SLC15A2: variants seen among roughly 807,000 people sequenced by gnomAD.
The protein encoded by SLC15A2 is kidney H(+)/peptide cotransporter.
A neutral mutation model predicts 95.5 loss-of-function variants in SLC15A2; 77 were observed. The observed-to-expected ratio is 0.81, with a 90% confidence interval of 0.67 to 0.97. The LOEUF (loss-of-function observed/expected upper bound fraction) is 0.97. Ranked by LOEUF, SLC15A2 falls within the 50% of genes least tolerant of loss-of-function variation. The probability of loss-of-function intolerance (pLI) is 0.00; values close to 1 mark genes in which losing one functional copy is unlikely to be tolerated. For missense variants in SLC15A2, 893 were observed against 874.4 expected (o/e 1.02, Z -0.27); for synonymous variants, 306 against 306.9 (o/e 1.00, Z 0.03).
chr3:121,895,203 G>A (rs538122916), intron 1 of SLC15A2: 1 of 152,290 alleles, frequency 6.6e-6, no homozygotes, highest in South Asian at 2.1e-4. Flanking sequence ...GGGCCAAAAG[G>A]TGATGTTATT....
chr3:121,939,422 T>C lies in SLC15A2; in HGVS notation c.1835T>C (p.Leu612Pro). The C allele has an allele frequency of 6.3e-7, 1 of 1,579,628 alleles. No homozygotes were observed. Among genetic ancestry groups the C allele is most frequent in the Non-Finnish European group, 8.6e-7 (1 of 1,163,432 alleles). Residue 612 changes from leucine to proline, a missense_variant, in exon 20 of 22, where the codon CTA (leucine) becomes CCA (proline). By Grantham distance (98) the Leu-to-Pro change is moderately conservative (BLOSUM62 -3). Transcript: ENST00000489711. The part of the protein sequence containing the change: ...PANKMSIAWQ[L>P]PQYALVTAGE... Reference sequence around the variant, plus strand: ...AACAAAATGTCCATTGCGTGGCAGCTACCACAATATGCCCTGGTTACAGCT... The same window carrying C: ...AACAAAATGTCCATTGCGTGGCAGCCACCACAATATGCCCTGGTTACAGCT...
chr3:121,930,926 C>CT lies in SLC15A2; in HGVS notation c.1642dup (p.Tyr548LeufsTer2). 2 of 1,610,666 alleles carry CT rather than the reference C, an allele frequency of 1.2e-6. No individual in the cohort carries two copies. The highest frequency in any genetic ancestry group is 1.7e-6 in the Non-Finnish European group (2 of 1,176,868). ...GTTGGTGAAGACTATGGTGTGTCTGCTTATAGAACTGTGCAAAGAGGAGAG... is the reference window on the plus strand; with the variant it reads ...GTTGGTGAAGACTATGGTGTGTCTGCTTTATAGAACTGTGCAAAGAGGAGAG... On this transcript the variant is annotated frameshift_variant, in exon 18 of 22. Transcript: ENST00000489711. LOFTEE classifies it high-confidence loss of function.
intron 19 of SLC15A2, among the ~76,000 whole-genome samples, chr3:121,938,246 G>C (rs1474189010): frequency 1.3e-5 from 2 of 152,228 alleles, no homozygotes; most frequent in Non-Finnish European, 2.9e-5. Flanking sequence ...CCCAGAGGTG[G>C]AGCCTACAGA....
At chr3:121,906,520 C>T (rs962152631) in intron 3 of SLC15A2, among the ~76,000 whole-genome samples, 16 of 152,234 alleles carry the variant, frequency 1.1e-4, no homozygotes, top group African/African-American at 1.4e-4. Flanking sequence ...CCATGTTTAG[C>T]GCTTCCTTCA....
chr3:121,919,441 G>C (rs2107592414), intron 7 of SLC15A2, among the ~76,000 whole-genome samples: 1 of 152,318 alleles, frequency 6.6e-6, no homozygotes, highest in East Asian at 1.9e-4. Flanking sequence ...GAAGTAGGTA[G>C]CCGTCTGTGA....
Position 121,942,060 on chromosome 3 carries a change from A to G in SLC15A2, c.*1053A>G, listed in dbSNP as rs1482588043. On this transcript the variant is annotated 3_prime_UTR_variant, in exon 22 of 22. Transcript: ENST00000489711. ...GATTTACTTTTCCCATAAGTTTTAA[A>G]TACCATTTCTGCCTTGAAGCCTAGA... The G allele has an allele frequency of 6.6e-6, 1 of 152,216 alleles. No homozygotes were observed. The highest frequency in any genetic ancestry group is 1.5e-5 in the Non-Finnish European group (1 of 68,032). 9.4% of individuals were successfully genotyped at this position (152,216 alleles called of 1,614,324 possible). A position where few individuals can be genotyped will look rare whatever the true frequency, so the allele number is the denominator to read the frequency against.
chr3:121,924,524 C>G, intron 12 of SLC15A2, 141 bp downstream of exon 12: 1 of 782,248 alleles, frequency 1.3e-6, no homozygotes, highest in South Asian at 1.6e-5. Context: ...TGAAAACATT[C>G]CCATTAAGCC....
chr3:121,931,628 T>G lies in SLC15A2; in HGVS notation c.1665-11T>G. 6.3e-7 allele frequency: 1 copy of G among 1,580,982 alleles called. No individual in the cohort carries two copies. The highest frequency in any genetic ancestry group is 1.7e-5 in the Admixed American group (1 of 59,912). On this transcript the variant is annotated splice_polypyrimidine_tract_variant and intron_variant, in intron 18 of 21. Transcript: ENST00000489711. ...TGATATTTATTCTAACCTAAATTCA[T>G]CCTGTTCCAGATACCCTGCAGTGCA...
At chr3:121,922,347 G>A (rs772661275) in intron 8 of SLC15A2, 45 bp downstream of exon 8, 6 of 1,492,328 alleles carry the variant, frequency 4.0e-6, no homozygotes, top group Non-Finnish European at 4.7e-6. Context: ...TCAAAAGAAA[G>A]AGATGCTATG....
chr3:121,936,148 A>G (rs1030298436), intron 19 of SLC15A2, among the ~76,000 whole-genome samples: 3 of 152,118 alleles, frequency 2.0e-5, no homozygotes, highest in South Asian at 2.1e-4. Context: ...TATAATTTCT[A>G]TTCTTTTACA....
chr3:121,901,695 G>GA (rs1405120719), intron 3 of SLC15A2, among the ~76,000 whole-genome samples: 2 of 151,948 alleles, frequency 1.3e-5, no homozygotes, highest in Non-Finnish European at 2.9e-5. Flanking sequence ...TGGAAAATCA[G>GA]AAAAAAGACA....
At chr3:121,914,182 G>T (rs1432614794) in intron 5 of SLC15A2, among the ~76,000 whole-genome samples, 2 of 152,174 alleles carry the variant, frequency 1.3e-5, no homozygotes, top group Non-Finnish European at 2.9e-5. Context: ...TGTGTATGAT[G>T]AACTATACAA....
At chr3:121,921,625 C>T (rs999516099) in intron 7 of SLC15A2, among the ~76,000 whole-genome samples, 1 of 152,156 alleles carries the variant, frequency 6.6e-6, no homozygotes, top group South Asian at 2.1e-4. Context: ...TTGGGAAGGT[C>T]TTTCATGCCA....
At chr3:121,908,922 C>T (rs995905465) in intron 3 of SLC15A2, among the ~76,000 whole-genome samples, 59 of 152,098 alleles carry the variant, frequency 3.9e-4, no homozygotes, top group South Asian at 8.3e-4. Flanking sequence ...CCTGTAATCC[C>T]AGCACTTTGG....
chr3:121,910,605 C>T (rs754455303), intron 3 of SLC15A2, among the ~76,000 whole-genome samples: 1 of 152,190 alleles, frequency 6.6e-6, no homozygotes, highest in Non-Finnish European at 1.5e-5. Flanking sequence ...AGAGTTCTGA[C>T]ATCTCTGGCC....
intron 18 of SLC15A2, among the ~76,000 whole-genome samples, chr3:121,931,208 C>T (rs1353236841): frequency 6.6e-6 from 1 of 152,180 alleles, no homozygotes; most frequent in Non-Finnish European, 1.5e-5. Flanking sequence ...CAGTCCGTCT[C>T]TGTGAGTTTC....
intron 3 of SLC15A2, among the ~76,000 whole-genome samples, chr3:121,901,576 C>T (rs1354091749): frequency 6.6e-6 from 1 of 152,056 alleles, no homozygotes; most frequent in Non-Finnish European, 1.5e-5. Flanking sequence ...ACTTGTTCTC[C>T]TGTAGTCATG....
At position 121,940,798 on chromosome 3, in the gene SLC15A2, C is replaced by T. The variant is rs755608932; in HGVS notation, c.2014-33C>T. 3 of 1,589,560 alleles carry T rather than the reference C, an allele frequency of 1.9e-6. No homozygotes were observed. The Admixed American group carries it at 5.2e-5, about 28-fold the overall frequency. ...AAGATCTCTTTAGTTTCAGGTTTCT[C>T]CATATTCTTCTCATATTTATTTCCC... On this transcript the variant is annotated intron_variant, in intron 21 of 21. Coordinates refer to ENST00000489711, the MANE Select transcript of SLC15A2 (RefSeq NM_021082.4).
At chr3:121,930,476 C>T (rs541135270) in intron 17 of SLC15A2, among the ~76,000 whole-genome samples, 138 of 152,246 alleles carry the variant, frequency 9.1e-4, no homozygotes, top group African/African-American at 3.1e-3. Context: ...AGTAAAGTCT[C>T]AGTTGATAGA....
Sources: allele counts gnomAD v4.1 joint callset (sites outside exome capture counted in the v4.1 genomes callset), GRCh38; gene constraint gnomAD v4.1.1; transcripts MANE v1.5; gene names NCBI Gene and HGNC (gene_info 2026-07-23, HGNC 2026-07-21).